The following VAT1L variants were observed in gnomAD, a reference collection of about 807,000 sequenced individuals.
The protein encoded by VAT1L is putative NADPH-dependent quinone oxidoreductase VAT1L.
VAT1L carries 34 observed loss-of-function variants against 44.1 expected under a neutral mutation model. That is an observed-to-expected ratio of 0.77 (90% CI 0.59 to 1.03). VAT1L has a LOEUF of 1.03. Ranked by LOEUF, VAT1L falls within the 50% of genes least tolerant of loss-of-function variation. The pLI is 0.00. For missense variants in VAT1L, 615 were observed against 538.8 expected (o/e 1.14, Z -1.40); for synonymous variants, 253 against 202.2 (o/e 1.25, Z -2.13).
rs1472991604 is a variant in VAT1L at position 77,825,147 on chromosome 16, A to T, written c.364-99A>T. 11 of 1,329,288 alleles carry T rather than the reference A, an allele frequency of 8.3e-6. No individual in the cohort carries two copies. The East Asian group carries it at 2.5e-4, about 31-fold the overall frequency. 82.3% of individuals were successfully genotyped at this position (1,329,288 alleles called of 1,614,324 possible). A position where few individuals can be genotyped will look rare whatever the true frequency, so the allele number is the denominator to read the frequency against. On this transcript the variant is annotated intron_variant, in intron 2 of 8. Transcript: ENST00000302536. ...CTCCCAAAGTGCTGGGATTATACGCATGAGCCACAGCGCCTGGCCAGCTCC... is the reference window on the plus strand; with the variant it reads ...CTCCCAAAGTGCTGGGATTATACGCTTGAGCCACAGCGCCTGGCCAGCTCC...
intron 7 of VAT1L, among the ~76,000 whole-genome samples, chr16:77,938,577 C>G (rs79017683): frequency 3.3e-5 from 5 of 152,062 alleles, no homozygotes; most frequent in South Asian, 4.2e-4. Context: ...GCACTTCCCC[C>G]CTTATTCTCT....
chr16:77,874,233 A>G (rs1370767018), intron 4 of VAT1L, among the ~76,000 whole-genome samples: 2 of 152,212 alleles, frequency 1.3e-5, no homozygotes, highest in South Asian at 2.1e-4. Context: ...TCTTGGAGAA[A>G]TGCAGTTCAC....
intron 7 of VAT1L, among the ~76,000 whole-genome samples, chr16:77,885,652 T>G (rs2017202053): frequency 6.6e-6 from 1 of 152,120 alleles, no homozygotes; most frequent in Non-Finnish European, 1.5e-5. Flanking sequence ...TTTTTCATTG[T>G]TTTGCATTTT....
chr16:77,793,929 T>C (rs2015881887), intron 1 of VAT1L, among the ~76,000 whole-genome samples: 1 of 152,202 alleles, frequency 6.6e-6, no homozygotes, highest in Admixed American at 6.5e-5. Context: ...ACACTCTTTG[T>C]TTCATTTCAT....
At chr16:77,903,393 T>C (rs1208264911) in intron 7 of VAT1L, among the ~76,000 whole-genome samples, 6 of 152,222 alleles carry the variant, frequency 3.9e-5, no homozygotes. Context: ...CAACAGGTAG[T>C]TAGTACCTCA....
intron 1 of VAT1L, among the ~76,000 whole-genome samples, chr16:77,789,252 T>G (rs2015788035): frequency 6.6e-6 from 1 of 152,120 alleles, no homozygotes; most frequent in African/African-American, 2.4e-5. Context: ...GGTTGATGCT[T>G]AACAGAATTA....
At chr16:77,831,140 C>T (rs1164846965) in intron 3 of VAT1L, among the ~76,000 whole-genome samples, 1 of 152,182 alleles carries the variant, frequency 6.6e-6, no homozygotes, top group East Asian at 1.9e-4. Context: ...ACAGGCAAAC[C>T]TGAATCCAGT....
At position 77,884,301 on chromosome 16, in the gene VAT1L, G is replaced by A. The variant is rs557320588; in HGVS notation, c.883-307G>A. On this transcript the variant is annotated intron_variant, in intron 6 of 8. Coordinates refer to ENST00000302536, the MANE Select transcript of VAT1L (RefSeq NM_020927.3). This position sits in a 1 kb window ranked among gnomAD's most constrained non-coding sequence, Gnocchi z 4.5. ...TAGCTGGGCATGGTCGTGGGCGCCTGTAATCCCAGCTACTCGGGAGGCTGG... is the reference window on the plus strand; with the variant it reads ...TAGCTGGGCATGGTCGTGGGCGCCTATAATCCCAGCTACTCGGGAGGCTGG... Among the ~76,000 whole-genome samples, 4 of 152,242 alleles carry A rather than the reference G, an allele frequency of 2.6e-5. No individual in the cohort carries two copies. The highest frequency in any genetic ancestry group is 4.8e-5 in the African/African-American group (2 of 41,560).
intron 7 of VAT1L, among the ~76,000 whole-genome samples, chr16:77,957,176 G>A (rs1490599323): frequency 6.6e-6 from 1 of 152,148 alleles, no homozygotes; most frequent in Non-Finnish European, 1.5e-5. Flanking sequence ...AACTTTCAAG[G>A]TTTTGAAGGG....
chr16:77,880,544 A>G (rs142227291), intron 6 of VAT1L, among the ~76,000 whole-genome samples: 46 of 141,942 alleles, frequency 3.2e-4, no homozygotes, highest in African/African-American at 1.0e-3. Context: ...CCAGTACACC[A>G]GCACCAGCCC....
intron 7 of VAT1L, among the ~76,000 whole-genome samples, chr16:77,935,217 T>G (rs1036274389): frequency 6.6e-6 from 1 of 152,168 alleles, no homozygotes; most frequent in Middle Eastern, 3.2e-3. Flanking sequence ...TCTTTTAGGT[T>G]GTAGGAGATG....
At chr16:77,942,129 G>C (rs1196903569) in intron 7 of VAT1L, among the ~76,000 whole-genome samples, 1 of 152,136 alleles carries the variant, frequency 6.6e-6, no homozygotes, top group Non-Finnish European at 1.5e-5. Context: ...AATTTACAAA[G>C]AAAAAAGAAG....
intron 4 of VAT1L, among the ~76,000 whole-genome samples, chr16:77,874,874 C>A (rs893077899): frequency 6.9e-6 from 1 of 144,908 alleles, no homozygotes; most frequent in African/African-American, 2.5e-5. Context: ...GCCAGTCTGG[C>A]TCCTAAGTAA....
intron 3 of VAT1L, among the ~76,000 whole-genome samples, chr16:77,850,022 C>A (rs1205092155): frequency 4.6e-5 from 7 of 152,186 alleles, no homozygotes; most frequent in African/African-American, 1.7e-4. Context: ...TGTTGAGAGG[C>A]CTTGTTAATG....
intron 7 of VAT1L, among the ~76,000 whole-genome samples, chr16:77,905,706 T>C (rs1053782995): frequency 1.3e-5 from 2 of 152,186 alleles, no homozygotes; most frequent in Non-Finnish European, 2.9e-5. Context: ...TCATACGTTA[T>C]TTGCTTTGCA....
intron 1 of VAT1L, among the ~76,000 whole-genome samples, chr16:77,814,056 AC>A (rs2016310473): frequency 6.6e-6 from 1 of 152,198 alleles, no homozygotes; most frequent in South Asian, 2.1e-4. Context: ...CAAGCAAGTT[AC>A]TTACGCTCTC....
chr16:77,912,848 C>CT (rs1188326119), intron 7 of VAT1L, among the ~76,000 whole-genome samples: 1 of 152,154 alleles, frequency 6.6e-6, no homozygotes, highest in East Asian at 1.9e-4. Context: ...TGAGGGCTCT[C>CT]TTCTTGGCCT....
intron 7 of VAT1L, among the ~76,000 whole-genome samples, chr16:77,924,386 G>A (rs190957032): frequency 1.3e-5 from 2 of 152,056 alleles, no homozygotes; most frequent in East Asian, 1.9e-4. Flanking sequence ...TATGAGAGCC[G>A]GGAATGAGCA....
At chr16:77,921,292 T>G (rs558677328) in intron 7 of VAT1L, among the ~76,000 whole-genome samples, 1 of 152,344 alleles carries the variant, frequency 6.6e-6, no homozygotes, top group Non-Finnish European at 1.5e-5. Flanking sequence ...TTGCTTTTAC[T>G]GAACAATATG....
Sources: allele counts gnomAD v4.1 joint callset (sites outside exome capture counted in the v4.1 genomes callset), GRCh38; gene constraint gnomAD v4.1.1; non-coding constraint Gnocchi (gnomAD v3.1); transcripts MANE v1.5; gene names NCBI Gene and HGNC (gene_info 2026-07-23, HGNC 2026-07-21).